Variants in DHRS4L2 observed in about 807,000 individuals in gnomAD.
DHRS4L2 encodes the protein dehydrogenase/reductase SDR family member 4-like 2.
A neutral mutation model predicts 23.9 loss-of-function variants in DHRS4L2; 22 were observed. That is an observed-to-expected ratio of 0.92 (90% CI 0.66 to 1.31). The LOEUF is 1.31. Ranked by LOEUF, DHRS4L2 falls within the 40% of genes most tolerant of loss-of-function variation. The probability of loss-of-function intolerance (pLI) is 0.00; values close to 1 mark genes in which losing one functional copy is unlikely to be tolerated. For synonymous variants in DHRS4L2, 141 were observed against 123.7 expected (o/e 1.14, Z -0.93); for missense variants, 385 against 303.3 (o/e 1.27, Z -2.00).
upstream of DHRS4L2, among the ~76,000 whole-genome samples, chr14:23,984,787 CAG>C (rs1435603196): frequency 1.9e-5 from 2 of 107,986 alleles, no homozygotes; most frequent in East Asian, 6.0e-4. Flanking sequence ...AGCCTGATGA[CAG>C]AGCAAGATGC....
intron 3 of DHRS4L2, among the ~76,000 whole-genome samples, chr14:23,995,368 A>ACAGT (rs71119060): frequency 4.8e-4 from 73 of 151,634 alleles, no homozygotes; most frequent in Middle Eastern, 6.8e-3. Context: ...TTCATTAGCC[A>ACAGT]CTGCTCCCCT....
At position 23,992,745 on chromosome 14, in the gene DHRS4L2, A is replaced by G. The variant is rs1302191107; in HGVS notation, c.307-2287A>G. ...CTGTTGCCCAGGCTGCAGTGCAGTGACATGATCATAGCTCACTGTAACCTC... is the reference window on the plus strand; with the variant it reads ...CTGTTGCCCAGGCTGCAGTGCAGTGGCATGATCATAGCTCACTGTAACCTC... On this transcript the variant is annotated intron_variant, in intron 2 of 7. Coordinates refer to ENST00000335125, the MANE Select transcript of DHRS4L2 (RefSeq NM_198083.4). 2.0e-5 allele frequency among the ~76,000 whole-genome samples: 3 copies of G among 150,624 alleles called. 1 individual carries two copies. The highest frequency in any genetic ancestry group is 2.1e-4 in the South Asian group (1 of 4,728).
upstream of DHRS4L2, among the ~76,000 whole-genome samples, chr14:23,984,537 C>G (rs907566625): frequency 1.3e-5 from 2 of 151,564 alleles, no homozygotes; most frequent in Non-Finnish European, 2.9e-5. Flanking sequence ...TGGCTCATGC[C>G]TGTAATCCCA....
chr14:23,984,721 C>T (rs558487257), upstream of DHRS4L2, among the ~76,000 whole-genome samples: 5 of 146,178 alleles, frequency 3.4e-5, no homozygotes, highest in East Asian at 2.1e-4. Context: ...GCAGGAGAAT[C>T]GCTTGAACCC....
In DHRS4L2 at chr14:23,982,638, T is replaced by G. The variant is rs542265074; in HGVS notation, c.-175-7544T>G. ...CCAATGGAATGGAACAGAGGCTGCA[T>G]AAATAACACCACACACCTACAACCA... On this transcript the variant is annotated intron_variant, in intron 1 of 5. Coordinates refer to the DHRS4L2 transcript ENST00000534993. Among the ~76,000 whole-genome samples the G allele has an allele frequency of 4.7e-4, 72 of 151,582 alleles. 1 individual carries two copies. Among genetic ancestry groups the G allele is most frequent in the African/African-American group, 1.4e-3 (59 of 41,300 alleles).
At chr14:23,973,231 G>A (rs1161452920) in intron 1 of DHRS4L2, among the ~76,000 whole-genome samples, 1 of 151,948 alleles carries the variant, frequency 6.6e-6, no homozygotes, top group Non-Finnish European at 1.5e-5. Flanking sequence ...GAGAAACCTT[G>A]GACAATACCC....
chr14:23,988,809 A>G, upstream of DHRS4L2: 1 of 1,403,498 alleles, frequency 7.1e-7, no homozygotes, highest in Non-Finnish European at 9.3e-7. Context: ...GGGAGGCGCC[A>G]ACCGCCACAG....
chr14:23,999,122 T>G (rs1241698976), intron 3 of DHRS4L2, among the ~76,000 whole-genome samples: 1 of 143,540 alleles, frequency 7.0e-6, no homozygotes, highest in Admixed American at 7.0e-5. Context: ...ATTTTTCAAT[T>G]AAGTTGACCT....
intron 1 of DHRS4L2, among the ~76,000 whole-genome samples, chr14:23,970,600 T>G (rs61999783): frequency 0.18 from 27,232 of 151,904 alleles, 3,216 homozygotes; most frequent in East Asian, 0.33. Context: ...TTGCCTGACA[T>G]CTCTAAAGAC....
intron 1 of DHRS4L2, among the ~76,000 whole-genome samples, chr14:23,980,445 T>C (rs2034032003): frequency 7.6e-6 from 1 of 131,748 alleles, no homozygotes; most frequent in Non-Finnish European, 1.6e-5. Context: ...CCTCCCTAAC[T>C]CATTTTATGA....
At chr14:23,985,792 G>T (rs1285926484), upstream of DHRS4L2, among the ~76,000 whole-genome samples, 3 of 151,392 alleles carry the variant, frequency 2.0e-5, 1 homozygote, top group Non-Finnish European at 4.4e-5. Flanking sequence ...TCAGCTCACT[G>T]CAACCTCTGC....
Position 23,990,237 on chromosome 14 carries a change from A to G in DHRS4L2, c.184A>G (p.Ser62Gly). 3.7e-6 allele frequency: 6 copies of G among 1,612,848 alleles called. No individual in the cohort carries two copies. The highest frequency in any genetic ancestry group is 5.1e-6 in the Non-Finnish European group (6 of 1,179,384). Residue 62 changes from serine to glycine, a missense_variant, in exon 2 of 8, where the codon AGC becomes GGC. Ser to Gly is a moderately conservative substitution (Grantham distance 56). Transcript: ENST00000335125. ...CCAGGACAGGGCCCACGTGGTCGTCAGCAGCCGGAAGCAGCAGAATGTGGA... is the reference window on the plus strand; with the variant it reads ...CCAGGACAGGGCCCACGTGGTCGTCGGCAGCCGGAAGCAGCAGAATGTGGA... Reference protein sequence around the residue: ...LAQDRAHVVVSSRKQQNVDQA... With the variant: ...LAQDRAHVVVGSRKQQNVDQA...
upstream of DHRS4L2, among the ~76,000 whole-genome samples, chr14:23,988,394 G>A (rs1284527930): frequency 2.0e-5 from 3 of 148,404 alleles, no homozygotes; most frequent in Non-Finnish European, 4.5e-5. Flanking sequence ...GAAGGGCAGT[G>A]CCAGGCCTGG....
At chr14:23,994,973 G>A in intron 2 of DHRS4L2, 59 bp from the exon 3 acceptor site, 3 of 1,597,502 alleles carry the variant, frequency 1.9e-6, no homozygotes, top group Non-Finnish European at 1.7e-6. Context: ...TATCAACATG[G>A]GTAAATGCAC....
intron 1 of DHRS4L2, among the ~76,000 whole-genome samples, chr14:23,976,355 T>C (rs1299247145): frequency 1.6e-4 from 24 of 151,856 alleles, no homozygotes; most frequent in Admixed American, 1.4e-3. Flanking sequence ...TATGAATAAA[T>C]GCTCATCATC....
At chr14:23,976,283 A>C (rs935093982) in intron 1 of DHRS4L2, among the ~76,000 whole-genome samples, 1 of 151,930 alleles carries the variant, frequency 6.6e-6, no homozygotes, top group African/African-American at 2.4e-5. Context: ...CCCCATCAAA[A>C]AGTGGGTAAA....
At chr14:23,993,048 C>A (rs1401508569) in intron 2 of DHRS4L2, among the ~76,000 whole-genome samples, 2 of 148,758 alleles carry the variant, frequency 1.3e-5, no homozygotes, top group African/African-American at 2.5e-5. Context: ...TCTGTGCTGA[C>A]AGACCTGGAA....
intron 1 of DHRS4L2, among the ~76,000 whole-genome samples, chr14:23,989,907 A>G (rs1382899381): frequency 6.6e-6 from 1 of 151,560 alleles, no homozygotes; most frequent in Non-Finnish European, 1.5e-5. Context: ...CTCAGTCCCA[A>G]CAGGAGATGA....
chr14:24,004,693 A>G lies in DHRS4L2; in HGVS notation c.*22+301A>G, dbSNP rs560950908. 1.7e-5 allele frequency: 9 copies of G among 528,364 alleles called. No homozygotes were observed. In the East Asian group the frequency reaches 2.9e-4, roughly 17 times the overall value. The allele number at this position is 528,364 out of a possible 1,614,324, so 32.7% of individuals were successfully genotyped here. A position where few individuals can be genotyped will look rare whatever the true frequency, so the allele number is the denominator to read the frequency against. ...CTCTGAGCATCCATGGAGACCAGGGACCATAACCAAAACCATGCTTTGTTA... is the reference window on the plus strand; with the variant it reads ...CTCTGAGCATCCATGGAGACCAGGGGCCATAACCAAAACCATGCTTTGTTA... On this transcript the variant is annotated intron_variant, in intron 7 of 7. Transcript: ENST00000335125.
Sources: gnomAD v4.1 joint callset for allele counts (sites outside exome capture counted in the v4.1 genomes callset) on GRCh38, gnomAD v4.1.1 for gene constraint, MANE v1.5 for transcripts, NCBI Gene and HGNC (gene_info 2026-07-23, HGNC 2026-07-21) for gene names.